MDGA2: variants seen among roughly 807,000 people sequenced by gnomAD.
MDGA2 encodes MAM domain containing glycosylphosphatidylinositol anchor 2, also known as MAM domain-containing glycosylphosphatidylinositol anchor protein 2.
In MDGA2, 40 loss-of-function variants were observed where a neutral mutation model predicts 117.8. The ratio of observed to expected loss-of-function variants is 0.34; its 90% CI spans 0.26 to 0.44. The LOEUF is 0.44. Ranked by LOEUF, MDGA2 falls within the 20% of genes least tolerant of loss-of-function variation. The pLI is 1.00. For synonymous variants in MDGA2, 452 were observed against 439.0 expected (o/e 1.03, Z -0.37); for missense variants, 1,123 against 1,250.6 (o/e 0.90, Z 1.54).
chr14:46,857,185 C>T (rs184559811), intron 14 of MDGA2, among the ~76,000 whole-genome samples: 10 of 152,238 alleles, frequency 6.6e-5, no homozygotes, highest in Non-Finnish European at 1.3e-4. Context: ...GGAAATATGG[C>T]GTTTCAATTT....
intron 10 of MDGA2, among the ~76,000 whole-genome samples, chr14:46,915,888 T>G (rs1046852123): frequency 6.6e-6 from 1 of 152,144 alleles, no homozygotes; most frequent in African/African-American, 2.4e-5. Context: ...GGAGCTTGTA[T>G]TAAGGAGGAG....
chr14:47,605,255 G>A (rs1186004058), intron 1 of MDGA2, among the ~76,000 whole-genome samples: 2 of 151,990 alleles, frequency 1.3e-5, no homozygotes, highest in African/African-American at 4.8e-5. Context: ...TTTTCAACGA[G>A]ACAGATGAAG....
Position 47,067,103 on chromosome 14 carries a change from A to G in MDGA2, c.1196-5525T>C, listed in dbSNP as rs1890113795. Among the ~76,000 whole-genome samples the G allele has an allele frequency of 3.3e-5, 5 of 152,258 alleles. No individual in the cohort carries two copies. In the South Asian group the frequency reaches 1.0e-3, roughly 31 times the overall value. Reference sequence around the variant, plus strand: ...GCACTCCAGCCTGGACAACAAGAGCAAAACTCCACCACAAACAAAGAAACA... The same window carrying G: ...GCACTCCAGCCTGGACAACAAGAGCGAAACTCCACCACAAACAAAGAAACA... On this transcript the variant is annotated intron_variant, in intron 6 of 16. Transcript: ENST00000399232.
intron 7 of MDGA2, among the ~76,000 whole-genome samples, chr14:47,044,890 C>T (rs1465707387): frequency 6.6e-6 from 1 of 152,124 alleles, no homozygotes; most frequent in Admixed American, 6.6e-5. Context: ...CGGCATTGTT[C>T]ATTACTTGAA....
At chr14:47,034,688 A>C (rs888802710) in intron 8 of MDGA2, among the ~76,000 whole-genome samples, 7 of 151,812 alleles carry the variant, frequency 4.6e-5, no homozygotes, top group Admixed American at 6.6e-5. Context: ...GCACATGGAC[A>C]GTTTCTCACC....
chr14:47,119,182 C>CG (rs1211489236), intron 5 of MDGA2, among the ~76,000 whole-genome samples: 3 of 70,722 alleles, frequency 4.2e-5, no homozygotes, highest in Non-Finnish European at 7.9e-5. Flanking sequence ...CCGCCCCCCC[C>CG]CCCCCACCCC....
rs1314165531 is a variant in MDGA2, at chr14:47,144,059, A to G, written c.792+19T>C. ...TATCCTAGCAGAGTAGGGTGGAAAT[A>G]CTGTACCTTAATTCATACCTGGGTA... On this transcript the variant is annotated intron_variant, in intron 4 of 16. Coordinates refer to ENST00000399232, the MANE Select transcript of MDGA2 (RefSeq NM_001113498.3). 3.3e-6 allele frequency: 5 copies of G among 1,525,152 alleles called. No individual in the cohort carries two copies. Among genetic ancestry groups the G allele is most frequent in the Non-Finnish European group, 4.4e-6 (5 of 1,129,616 alleles). 94.5% of individuals were successfully genotyped at this position (1,525,152 alleles called of 1,614,324 possible). A position where few individuals can be genotyped will look rare whatever the true frequency, so the allele number is the denominator to read the frequency against.
At chr14:46,857,390 GTTT>G (rs142269394) in intron 14 of MDGA2, among the ~76,000 whole-genome samples, 1 of 151,614 alleles carries the variant, frequency 6.6e-6, no homozygotes, top group East Asian at 1.9e-4. Flanking sequence ...ATTCAGGCGG[GTTT>G]TTTTTCCACG....
intron 9 of MDGA2, among the ~76,000 whole-genome samples, chr14:46,951,977 T>A (rs2066311): frequency 0.12 from 17,882 of 151,924 alleles, 1,999 homozygotes; most frequent in African/African-American, 0.27. Flanking sequence ...TCATATCATC[T>A]ATCTTTTGAA....
chr14:47,058,844 C>G, intron 7 of MDGA2: 1 of 985,732 alleles, frequency 1.0e-6, no homozygotes, highest in Non-Finnish European at 1.2e-6. Context: ...GGCCATCTAG[C>G]CTCAAGAGCC....
intron 1 of MDGA2, among the ~76,000 whole-genome samples, chr14:47,573,332 C>T (rs1258447652): frequency 6.6e-6 from 1 of 150,892 alleles, no homozygotes; most frequent in Non-Finnish European, 1.5e-5. Context: ...GCATAATATA[C>T]ATAGACTATT....
rs367566360 is a variant in MDGA2 at position 47,343,228 on chromosome 14, T to C, written c.281-41678A>G. 8.8e-6 allele frequency: 10 copies of C among 1,131,760 alleles called. No homozygotes were observed. The African/African-American group carries it at 1.5e-4, about 17-fold the overall frequency. 70.1% of individuals were successfully genotyped at this position (1,131,760 alleles called of 1,614,324 possible). A position where few individuals can be genotyped will look rare whatever the true frequency, so the allele number is the denominator to read the frequency against. ...AATGGTGATTTTTTTTGTTTGTTTGTTTTTTTCAGGAACGATTATCGAATT... is the reference window on the plus strand; with the variant it reads ...AATGGTGATTTTTTTTGTTTGTTTGCTTTTTTCAGGAACGATTATCGAATT... On this transcript the variant is annotated intron_variant, in intron 1 of 16. Coordinates refer to ENST00000399232, the MANE Select transcript of MDGA2 (RefSeq NM_001113498.3).
At chr14:47,461,687 CG>C (rs1231029179) in intron 1 of MDGA2, among the ~76,000 whole-genome samples, 86 of 150,454 alleles carry the variant, frequency 5.7e-4, no homozygotes, top group African/African-American at 1.9e-3. Flanking sequence ...AAAATAAAAA[CG>C]AAAAAAATAA....
chr14:47,002,820 T>C (rs897617017), intron 8 of MDGA2, among the ~76,000 whole-genome samples: 6 of 152,204 alleles, frequency 3.9e-5, no homozygotes, highest in Admixed American at 6.6e-5. Flanking sequence ...TGTGTAAGTC[T>C]GTCTTAGCTT....
intron 1 of MDGA2, among the ~76,000 whole-genome samples, chr14:47,647,690 C>T (rs903852026): frequency 1.4e-4 from 21 of 152,018 alleles, no homozygotes; most frequent in African/African-American, 5.1e-4. Context: ...TTTCGCCTAC[C>T]ACAAAATAAC....
At chr14:47,538,017 A>G (rs17118891) in intron 1 of MDGA2, among the ~76,000 whole-genome samples, 7,065 of 152,322 alleles carry the variant, frequency 0.046, 555 homozygotes, top group African/African-American at 0.16. Flanking sequence ...TAATTCTACC[A>G]GCACTGATGT....
intron 1 of MDGA2, among the ~76,000 whole-genome samples, chr14:47,540,563 T>TACATATACATACAC (rs1555330675): frequency 8.9e-6 from 1 of 112,518 alleles, no homozygotes; most frequent in African/African-American, 2.9e-5. Context: ...TGTATATATA[T>TACATATACATACAC]ACACACACAC....
intron 5 of MDGA2, among the ~76,000 whole-genome samples, chr14:47,109,623 A>G (rs1880926127): frequency 6.6e-6 from 1 of 152,214 alleles, no homozygotes; most frequent in Non-Finnish European, 1.5e-5. Flanking sequence ...AACTCCATCT[A>G]AGCTCTGAGT....
intron 1 of MDGA2, among the ~76,000 whole-genome samples, chr14:47,396,814 T>G (rs1892021242): frequency 6.6e-6 from 1 of 152,152 alleles, no homozygotes; most frequent in Non-Finnish European, 1.5e-5. Context: ...AGAATGGCGA[T>G]CCTTAAAAAG....
Sources: allele counts gnomAD v4.1 joint callset (sites outside exome capture counted in the v4.1 genomes callset), GRCh38; gene constraint gnomAD v4.1.1; transcripts MANE v1.5; gene names NCBI Gene and HGNC (gene_info 2026-07-23, HGNC 2026-07-21).